Variants in ALOX5 observed in about 807,000 individuals in gnomAD.
The protein encoded by ALOX5 is arachidonate 5-lipoxygenase.
A neutral mutation model predicts 87.9 loss-of-function variants in ALOX5; 64 were observed. The observed-to-expected ratio is 0.73, with a 90% CI of 0.60 to 0.90. ALOX5 has a LOEUF of 0.90. ALOX5 is among the 40% of genes least tolerant of loss of function. The probability of loss-of-function intolerance (pLI) is 0.00; values close to 1 mark genes in which losing one functional copy is unlikely to be tolerated. For missense variants in ALOX5, 822 were observed against 907.5 expected, an observed-to-expected ratio of 0.91 and a Z score of 1.21; for synonymous variants, 388 against 355.1, an observed-to-expected ratio of 1.09 and a Z score of -1.04.
At chr10:45,405,523 G>A (rs567189760) in intron 3 of ALOX5, among the ~76,000 whole-genome samples, 156 of 152,206 alleles carry the variant, frequency 1.0e-3, no homozygotes, top group Admixed American at 2.1e-3. Flanking sequence ...TGTTACATAT[G>A]TATAGCATTT....
chr10:45,381,593 A>G (rs983815417), intron 1 of ALOX5, among the ~76,000 whole-genome samples: 1 of 152,224 alleles, frequency 6.6e-6, no homozygotes, highest in African/African-American at 2.4e-5. Context: ...AAGGTCTCCC[A>G]CAAGGCTATC....
intron 3 of ALOX5, among the ~76,000 whole-genome samples, chr10:45,402,641 A>C (rs925612103): frequency 6.6e-5 from 10 of 152,238 alleles, no homozygotes; most frequent in Admixed American, 6.5e-4. Context: ...GGATTTTTCA[A>C]ACAAGACTCA....
chr10:45,443,524 C>A lies in ALOX5; in HGVS notation c.1560C>A (p.Gly520=). The change falls in exon 11 of 14, where the codon GGC becomes GGA. Residue 520 remains glycine (G), a synonymous_variant. Coordinates refer to ENST00000374391, the MANE Select transcript of ALOX5 (RefSeq NM_000698.5). ...ATGTCTACGTGTACGGCATGCGGGG[C>A]CGCAAGTCCTCAGGTAGGGCCTCCG... The part of the protein sequence containing the change: ...VNDVYVYGMR[G]RKSSGFPKSV... 6.2e-7 allele frequency: 1 copy of A among 1,612,584 alleles called. No individual in the cohort carries two copies. The highest frequency in any genetic ancestry group is 1.3e-5 in the African/African-American group (1 of 74,974).
At chr10:45,411,309 C>T (rs1841056784) in intron 3 of ALOX5, among the ~76,000 whole-genome samples, 1 of 152,174 alleles carries the variant, frequency 6.6e-6, no homozygotes, top group African/African-American at 2.4e-5. Flanking sequence ...CATCAATGTC[C>T]TGTCTCATCC....
At chr10:45,426,248 C>A (rs1005806794) in intron 6 of ALOX5, among the ~76,000 whole-genome samples, 23 of 152,344 alleles carry the variant, frequency 1.5e-4, no homozygotes, top group African/African-American at 5.1e-4. Context: ...TCTGAGCAGC[C>A]ATCTCTGCAC....
chr10:45,375,292 A>C (rs1353040464), intron 1 of ALOX5, among the ~76,000 whole-genome samples: 1 of 152,120 alleles, frequency 6.6e-6, no homozygotes, highest in East Asian at 1.9e-4. Context: ...TCTGGACCTG[A>C]ATTCCAGCCC....
chr10:45,394,352 G>A (rs915021285), intron 2 of ALOX5, among the ~76,000 whole-genome samples: 37 of 152,292 alleles, frequency 2.4e-4, no homozygotes, highest in African/African-American at 7.7e-4. Flanking sequence ...CAAGCAATGG[G>A]GAAAGGATTC....
intron 2 of ALOX5, 107 bp downstream of exon 2, chr10:45,382,788 G>T: frequency 1.5e-6 from 2 of 1,346,450 alleles, no homozygotes; most frequent in Non-Finnish European, 2.0e-6. Flanking sequence ...GTGCAGGGGC[G>T]GGAAGTGGGA....
intron 2 of ALOX5, among the ~76,000 whole-genome samples, chr10:45,387,114 C>T (rs544288173): frequency 3.0e-4 from 45 of 152,282 alleles, no homozygotes; most frequent in South Asian, 2.3e-3. Context: ...CACCATGACC[C>T]GGAGAAGTAG....
intron 8 of ALOX5, 25 bp from the exon 9 acceptor site, chr10:45,441,319 A>G: frequency 6.2e-7 from 1 of 1,608,874 alleles, no homozygotes; most frequent in Non-Finnish European, 8.5e-7. Context: ...GCCCCCTCTG[A>G]GGCCTCCTCC....
chr10:45,415,581 T>TAA lies in ALOX5; in HGVS notation c.554+3276_554+3277dup, dbSNP rs60397346. On this transcript the variant is annotated intron_variant, in intron 4 of 13. Coordinates refer to ENST00000374391, the MANE Select transcript of ALOX5 (RefSeq NM_000698.5). ...TATCCTAGAATTTAAAGTATAATAA[T>TAA]AAAAAAAAAGACATACACGGAAAAA... is the stretch of plus-strand genomic sequence containing the variant. Among the ~76,000 whole-genome samples the TAA allele has an allele frequency of 4.5e-3, 606 of 136,064 alleles. 2 individuals carry two copies. Among genetic ancestry groups the TAA allele is most frequent in the African/African-American group, 0.014 (562 of 40,702 alleles). The allele number at this position is 136,064 out of a possible 152,430, so 89.3% of individuals were successfully genotyped here. A position where few individuals can be genotyped will look rare whatever the true frequency, so the allele number is the denominator to read the frequency against.
chr10:45,391,015 TCCCATCTCCCCTCTCCCCTCTCCCATCTC>T lies in ALOX5; in HGVS notation c.350-4836_350-4808del, dbSNP rs1564416289. Among the ~76,000 whole-genome samples the T allele has an allele frequency of 5.4e-3, 342 of 63,236 alleles. 4 individuals carry two copies. Among genetic ancestry groups the T allele is most frequent in the East Asian group, 0.025 (51 of 2,000 alleles). 41.5% of individuals were successfully genotyped at this position (63,236 alleles called of 152,430 possible). ...CCTCTCCCCTCTCCCCTCTCTCCTC[TCCCATCTCCCCTCTCCCCTCTCCCATCTC>T]CCCTCTCCCCTCTCCCTCTCCCTCT... On this transcript the variant is annotated intron_variant, in intron 2 of 13. Coordinates refer to ENST00000374391, the MANE Select transcript of ALOX5 (RefSeq NM_000698.5).
intron 4 of ALOX5, among the ~76,000 whole-genome samples, chr10:45,422,408 G>A (rs1200909445): frequency 1.3e-5 from 2 of 152,194 alleles, no homozygotes; most frequent in Admixed American, 6.5e-5. Context: ...GTGGGTCCAG[G>A]CAGAGCACTG....
chr10:45,382,393 C>A, intron 1 of ALOX5, 90 bp from the exon 2 acceptor site: 1 of 1,373,160 alleles, frequency 7.3e-7, no homozygotes, highest in Non-Finnish European at 1.0e-6. Flanking sequence ...TGTGCCACAG[C>A]AGCATACCTT....
chr10:45,397,344 C>G (rs139678913), intron 3 of ALOX5, among the ~76,000 whole-genome samples: 109 of 152,314 alleles, frequency 7.2e-4, no homozygotes, highest in African/African-American at 2.4e-3. Flanking sequence ...CATGCCACTG[C>G]ACTCCAGCAT....
chr10:45,405,771 C>T (rs867965213), intron 3 of ALOX5, among the ~76,000 whole-genome samples: 18 of 145,692 alleles, frequency 1.2e-4, no homozygotes, highest in African/African-American at 4.6e-4. Context: ...GAGTCTTGCT[C>T]TGTTTCCTAG....
chr10:45,375,736 G>A (rs547935269), intron 1 of ALOX5, among the ~76,000 whole-genome samples: 1 of 152,306 alleles, frequency 6.6e-6, no homozygotes, highest in South Asian at 2.1e-4. Flanking sequence ...GCACGACATG[G>A]CCCTCAGCCA....
chr10:45,399,500 G>A (rs965881692), intron 3 of ALOX5, among the ~76,000 whole-genome samples: 23 of 152,168 alleles, frequency 1.5e-4, no homozygotes, highest in Admixed American at 5.2e-4. Flanking sequence ...AATTCAAAAT[G>A]GATGATAGAT....
chr10:45,375,102 T>C (rs1176679989), intron 1 of ALOX5, among the ~76,000 whole-genome samples: 2 of 152,064 alleles, frequency 1.3e-5, no homozygotes, highest in Non-Finnish European at 2.9e-5. Flanking sequence ...CAGCTTACAT[T>C]CTCAGGACAG....
Sources: allele counts gnomAD v4.1 joint callset (sites outside exome capture counted in the v4.1 genomes callset), GRCh38; gene constraint gnomAD v4.1.1; transcripts MANE v1.5; gene names NCBI Gene and HGNC (gene_info 2026-07-23, HGNC 2026-07-21).